Variants in PCGF5 observed in about 807,000 individuals in gnomAD.
The protein encoded by PCGF5 is polycomb group ring finger 5.
In PCGF5, 9 loss-of-function variants were observed where a neutral mutation model predicts 44.3. The observed-to-expected ratio is 0.20, with a 90% CI of 0.12 to 0.35. The LOEUF (loss-of-function observed/expected upper bound fraction) is 0.35, where lower values mean the gene tolerates loss of function less well. PCGF5 is among the 10% of genes least tolerant of loss of function. The pLI is 1.00. For missense variants in PCGF5, 146 were observed against 305.3 expected, an observed-to-expected ratio of 0.48 and a Z score of 3.89; for synonymous variants, 95 against 102.5, an observed-to-expected ratio of 0.93 and a Z score of 0.44.
chr10:91,229,245 G>A (rs1844936385), intron 2 of PCGF5, among the ~76,000 whole-genome samples: 1 of 152,118 alleles, frequency 6.6e-6, no homozygotes, highest in African/African-American at 2.4e-5. Context: ...AAATAGAACA[G>A]GCATAGTCTG....
chr10:91,223,045 A>C (rs1373979290), intron 2 of PCGF5, 62 bp downstream of exon 2: 4 of 1,106,856 alleles, frequency 3.6e-6, no homozygotes, highest in Non-Finnish European at 5.4e-6. Context: ...GTTCTTTTAA[A>C]ATTGCCATGT....
At chr10:91,167,103 A>G (rs1843514205) in intron 1 of PCGF5, among the ~76,000 whole-genome samples, 1 of 152,224 alleles carries the variant, frequency 6.6e-6, no homozygotes, top group South Asian at 2.1e-4. Context: ...TCCTTGATCC[A>G]ACAAAAACTA....
intron 1 of PCGF5, among the ~76,000 whole-genome samples, chr10:91,194,210 G>C (rs1406344858): frequency 6.6e-6 from 1 of 152,222 alleles, no homozygotes; most frequent in Non-Finnish European, 1.5e-5. Flanking sequence ...ACTTTAGGGA[G>C]CCAGAGGGAC....
intron 1 of PCGF5, among the ~76,000 whole-genome samples, chr10:91,183,993 AT>A (rs149576954): frequency 0.032 from 4,887 of 151,460 alleles, 251 homozygotes; most frequent in African/African-American, 0.11. Flanking sequence ...TGTCTTTAAT[AT>A]TTTTTCTTCG....
chr10:91,245,128 A>C (rs929473060), intron 3 of PCGF5, among the ~76,000 whole-genome samples: 1 of 152,156 alleles, frequency 6.6e-6, no homozygotes, highest in Admixed American at 6.6e-5. Flanking sequence ...CAGAGAGAAG[A>C]GGAGGAGCCA....
intron 6 of PCGF5, among the ~76,000 whole-genome samples, chr10:91,260,954 CATAATAATA>C (rs375770054): frequency 1.6e-3 from 247 of 149,852 alleles, no homozygotes; most frequent in African/African-American, 4.5e-3. Flanking sequence ...AAACTTAAAG[CATAATAATA>C]ATAATAATAA....
intron 1 of PCGF5, among the ~76,000 whole-genome samples, chr10:91,193,296 G>A (rs927842435): frequency 6.6e-6 from 1 of 152,188 alleles, no homozygotes; most frequent in East Asian, 1.9e-4. Flanking sequence ...TTCTGGCCTT[G>A]TGAGACTAAG....
rs974545917 is a variant in PCGF5, at chr10:91,280,843, G to A, written c.*2527G>A. The A allele has an allele frequency of 6.6e-6, 1 of 152,228 alleles. No homozygotes were observed. Among genetic ancestry groups the A allele is most frequent in the Non-Finnish European group, 1.5e-5 (1 of 67,868 alleles). 9.4% of individuals were successfully genotyped at this position (152,228 alleles called of 1,614,324 possible). A position where few individuals can be genotyped will look rare whatever the true frequency, so the allele number is the denominator to read the frequency against. On this transcript the variant is annotated 3_prime_UTR_variant, in exon 10 of 10. Coordinates refer to ENST00000336126, the MANE Select transcript of PCGF5 (RefSeq NM_032373.5). Reference sequence around the variant, plus strand: ...TTGTGGTTAGCTTTATAAATTTAGGGTGCTTATAAAATGATAAAATGAATT... The same window carrying A: ...TTGTGGTTAGCTTTATAAATTTAGGATGCTTATAAAATGATAAAATGAATT...
intron 1 of PCGF5, among the ~76,000 whole-genome samples, chr10:91,177,862 G>GC (rs1424742096): frequency 1.3e-5 from 2 of 152,198 alleles, no homozygotes; most frequent in East Asian, 3.8e-4. Flanking sequence ...CCTGGGTGAG[G>GC]CGATGCCTCT....
At chr10:91,222,015 TGGGAGAGGA>T (rs1323134376) in intron 1 of PCGF5, among the ~76,000 whole-genome samples, 1 of 151,956 alleles carries the variant, frequency 6.6e-6, no homozygotes, top group African/African-American at 2.4e-5. Flanking sequence ...GAGGAGACGG[TGGGAGAGGA>T]GTGATCCCTT....
chr10:91,175,735 C>G (rs1187221910), intron 1 of PCGF5, among the ~76,000 whole-genome samples: 1 of 152,156 alleles, frequency 6.6e-6, no homozygotes, highest in Non-Finnish European at 1.5e-5. Context: ...ATTGCAACCC[C>G]TGCCTTTTTT....
chr10:91,258,077 A>T (rs1845801428), intron 6 of PCGF5, among the ~76,000 whole-genome samples: 1 of 152,152 alleles, frequency 6.6e-6, no homozygotes, highest in Non-Finnish European at 1.5e-5. Context: ...GATTCCATTT[A>T]TACGAAATAT....
Position 91,251,351 on chromosome 10 carries a change from G to C in PCGF5, c.385G>C (p.Asp129His), listed in dbSNP as rs1490244018. ...VDEEGDENED[D>H]KDYHRSDPQI... ...TGAAGAAGGTGATGAAAATGAAGAT[G>C]ATAAAGATTATCACAGAAGTGACCC... Residue 129 changes from aspartate (D) to histidine (H), a missense_variant, in exon 6 of 10, where the codon GAT (aspartate) becomes CAT (histidine). Asp to His is a moderately conservative substitution (Grantham distance 81). Coordinates refer to ENST00000336126, the MANE Select transcript of PCGF5 (RefSeq NM_032373.5). 6.2e-7 allele frequency: 1 copy of C among 1,610,784 alleles called. No individual in the cohort carries two copies. The highest frequency in any genetic ancestry group is 8.5e-7 in the Non-Finnish European group (1 of 1,177,892).
chr10:91,230,915 G>C (rs1318110017), intron 2 of PCGF5, among the ~76,000 whole-genome samples: 1 of 151,968 alleles, frequency 6.6e-6, no homozygotes, highest in Non-Finnish European at 1.5e-5. Context: ...CAGCCACTGT[G>C]CCCAGCCTAT....
chr10:91,193,907 T>C (rs759730944), intron 1 of PCGF5, among the ~76,000 whole-genome samples: 13 of 152,150 alleles, frequency 8.5e-5, no homozygotes, highest in Non-Finnish European at 1.5e-4. Context: ...TAGATATGTG[T>C]TAAAGACGAA....
intron 2 of PCGF5, among the ~76,000 whole-genome samples, chr10:91,223,742 A>G (rs970884458): frequency 4.6e-5 from 7 of 152,196 alleles, no homozygotes. Flanking sequence ...AAAATGAGAT[A>G]TATGTGATTT....
intron 5 of PCGF5, among the ~76,000 whole-genome samples, chr10:91,249,180 T>C (rs905659651): frequency 1.3e-5 from 2 of 151,880 alleles, no homozygotes; most frequent in African/African-American, 2.4e-5. Context: ...AATGAAGTTT[T>C]TATAAGTAGA....
chr10:91,196,018 T>C (rs2133223239), intron 1 of PCGF5, among the ~76,000 whole-genome samples: 1 of 150,908 alleles, frequency 6.6e-6, no homozygotes, highest in African/African-American at 2.4e-5. Context: ...GTGGGTGGTA[T>C]TCATTATTTG....
At chr10:91,196,850 C>G (rs920514873) in intron 1 of PCGF5, among the ~76,000 whole-genome samples, 1 of 152,140 alleles carries the variant, frequency 6.6e-6, no homozygotes. Flanking sequence ...TTCATCCCAG[C>G]CAGTGAAATC....
Sources: allele counts gnomAD v4.1 joint callset (sites outside exome capture counted in the v4.1 genomes callset), GRCh38; gene constraint gnomAD v4.1.1; transcripts MANE v1.5; gene names NCBI Gene and HGNC (gene_info 2026-07-23, HGNC 2026-07-21).